The following SPARCL1 variants were observed in gnomAD, a reference collection of about 807,000 sequenced individuals.
SPARCL1 encodes SPARC like 1, also known as SPARC-like protein 1.
A neutral mutation model predicts 67.1 loss-of-function variants in SPARCL1; 52 were observed. The observed-to-expected ratio is 0.78, with a 90% CI of 0.62 to 0.98. SPARCL1 has a LOEUF of 0.98. Ranked by LOEUF, SPARCL1 falls within the 50% of genes least tolerant of loss-of-function variation. SPARCL1 has a pLI of 0.00. For missense variants in SPARCL1, 717 were observed against 782.4 expected (o/e 0.92, Z 1.00); for synonymous variants, 226 against 267.8 (o/e 0.84, Z 1.52).
At chr4:87,508,086 A>T (rs1243552384) in intron 1 of SPARCL1, among the ~76,000 whole-genome samples, 1 of 152,106 alleles carries the variant, frequency 6.6e-6, no homozygotes, top group East Asian at 1.9e-4. Context: ...TTTTATGGAG[A>T]CTTCATGAAA....
intron 4 of SPARCL1, among the ~76,000 whole-genome samples, chr4:87,492,984 T>C (rs2110227647): frequency 6.6e-6 from 1 of 152,346 alleles, no homozygotes; most frequent in Middle Eastern, 3.4e-3. Flanking sequence ...ACACTGGTGA[T>C]TCAACTCGAA....
At chr4:87,521,035 G>A (rs546278744) in intron 1 of SPARCL1, among the ~76,000 whole-genome samples, 4 of 152,148 alleles carry the variant, frequency 2.6e-5, no homozygotes, top group South Asian at 2.1e-4. Flanking sequence ...TTTTATTTTC[G>A]GTACTATGGT....
At chr4:87,483,959 T>C (rs1277657573) in intron 7 of SPARCL1, among the ~76,000 whole-genome samples, 1 of 152,196 alleles carries the variant, frequency 6.6e-6, no homozygotes, top group African/African-American at 2.4e-5. Flanking sequence ...TTTGTATCTG[T>C]TCCTTGTAGA....
At position 87,487,497 on chromosome 4, in the gene SPARCL1, C is replaced by T. The variant is rs370291109; in HGVS notation, c.1531+2776G>A. On this transcript the variant is annotated intron_variant, in intron 7 of 10. Transcript: ENST00000282470. ...TGATGGGCTTCCCTTTGTGGGTATT[C>T]CGACCTTTCTGTCTGGCTGCCCTTA... 2.3e-3 allele frequency among the ~76,000 whole-genome samples: 356 copies of T among 152,280 alleles called. 2 individuals are homozygous for T. Among genetic ancestry groups the T allele is most frequent in the African/African-American group, 8.1e-3 (337 of 41,566 alleles).
chr4:87,524,797 A>C (rs1473992305), intron 1 of SPARCL1, among the ~76,000 whole-genome samples: 2 of 152,212 alleles, frequency 1.3e-5, no homozygotes, highest in African/African-American at 4.8e-5. Context: ...TGCTGTTTCA[A>C]TAACAAAACC....
At chr4:87,520,659 C>T (rs1725773828) in intron 1 of SPARCL1, among the ~76,000 whole-genome samples, 1 of 152,156 alleles carries the variant, frequency 6.6e-6, no homozygotes, top group African/African-American at 2.4e-5. Context: ...TTGGCTTTCA[C>T]CATGGGAGAG....
chr4:87,491,797 A>G, intron 4 of SPARCL1, 107 bp from the exon 5 acceptor site: 2 of 848,262 alleles, frequency 2.4e-6, no homozygotes, highest in South Asian at 1.4e-5. Flanking sequence ...TGCTCAAATC[A>G]TTTCAAATCT....
chr4:87,495,216 T>C, intron 2 of SPARCL1, 89 bp from the exon 3 acceptor site: 1 of 1,071,558 alleles, frequency 9.3e-7, no homozygotes, highest in Non-Finnish European at 1.4e-6. Flanking sequence ...TCATTATTAG[T>C]AGCAATATAC....
rs753048351 is a variant in SPARCL1 at position 87,494,473 on chromosome 4, C to T, written c.327G>A (p.Val109=). Residue 109 remains valine (V), a synonymous_variant, in exon 4 of 11, where the codon GTG becomes GTA. Coordinates refer to ENST00000282470, the MANE Select transcript of SPARCL1 (RefSeq NM_004684.6). ...CTTCAGTTGGTGCATACTCCAAATT[C>T]ACACTTAAGTGACCATCACTGTCCT... ...DQEDSDGHLS[V]NLEYAPTEGT... is the part of the protein sequence containing the mutation. 6 of 1,613,992 alleles carry T rather than the reference C, an allele frequency of 3.7e-6. No individual in the cohort carries two copies. Among genetic ancestry groups the T allele is most frequent in the Admixed American group, 1.7e-5 (1 of 59,984 alleles).
At chr4:87,505,086 C>A (rs1239587910) in intron 1 of SPARCL1, among the ~76,000 whole-genome samples, 2 of 152,196 alleles carry the variant, frequency 1.3e-5, no homozygotes, top group Admixed American at 1.3e-4. Context: ...TGGATTCTGG[C>A]TCTAGCAGTG....
Position 87,490,815 on chromosome 4 carries a change from G to A in SPARCL1, c.1355C>T (p.Pro452Leu), listed in dbSNP as rs747450487. 1.2e-6 allele frequency: 2 copies of A among 1,612,868 alleles called. No homozygotes were observed. Among genetic ancestry groups the A allele is most frequent in the African/African-American group, 1.3e-5 (1 of 74,910 alleles). The change falls in exon 6 of 11, where the codon CCT becomes CTT. Residue 452 changes from proline to leucine, a missense_variant. Transcript: ENST00000282470. ...HICKADQQGK[P>L]HCVCQDPVTC... ...CACTGGATCCTGGCAGACACAGTGA[G>A]GTTTTCCCTGTTGGTCTGCCTTACA...
chr4:87,473,772 C>A lies in SPARCL1; in HGVS notation c.*3G>T, dbSNP rs182145896. ...GGAAAGTTGAGTTCTTTAAAATCTTCGTTCAAAACAAGAGATTTTCATCTA... is the reference window on the plus strand; with the variant it reads ...GGAAAGTTGAGTTCTTTAAAATCTTAGTTCAAAACAAGAGATTTTCATCTA... On this transcript the variant is annotated 3_prime_UTR_variant, in exon 11 of 11. Coordinates refer to ENST00000282470, the MANE Select transcript of SPARCL1 (RefSeq NM_004684.6). 1.2e-6 allele frequency: 2 copies of A among 1,606,486 alleles called. No individual in the cohort carries two copies. Among genetic ancestry groups the A allele is most frequent in the South Asian group, 1.1e-5 (1 of 90,330 alleles).
At chr4:87,516,310 C>T (rs1725580990) in intron 1 of SPARCL1, among the ~76,000 whole-genome samples, 1 of 152,178 alleles carries the variant, frequency 6.6e-6, no homozygotes, top group South Asian at 2.1e-4. Flanking sequence ...CATTATGAAA[C>T]AGTTGCTTTG....
chr4:87,498,547 A>G (rs75465216), intron 2 of SPARCL1, among the ~76,000 whole-genome samples: 2,423 of 152,270 alleles, frequency 0.016, 58 homozygotes, highest in African/African-American at 0.055. Context: ...CATTCATGCT[A>G]TGGTTTCATT....
chr4:87,476,766 T>C (rs191778554), intron 10 of SPARCL1, among the ~76,000 whole-genome samples: 181 of 152,320 alleles, frequency 1.2e-3, no homozygotes, highest in Non-Finnish European at 1.7e-3. Flanking sequence ...CAACATGCCC[T>C]AATTCACACA....
At chr4:87,521,499 T>G (rs1356992051) in intron 1 of SPARCL1, among the ~76,000 whole-genome samples, 1 of 152,214 alleles carries the variant, frequency 6.6e-6, no homozygotes, top group East Asian at 1.9e-4. Context: ...AATTGAATTT[T>G]CCTTGTGTTG....
intron 4 of SPARCL1, among the ~76,000 whole-genome samples, chr4:87,492,411 C>G (rs187381149): frequency 8.2e-5 from 12 of 145,916 alleles, no homozygotes; most frequent in African/African-American, 3.2e-4. Context: ...GAGTGAGACT[C>G]CGTCTCAAAA....
intron 1 of SPARCL1, among the ~76,000 whole-genome samples, chr4:87,502,826 A>G (rs574127805): frequency 2.6e-5 from 4 of 152,382 alleles, no homozygotes; most frequent in African/African-American, 9.6e-5. Context: ...TCCAAAGAAT[A>G]GTTCCATGGA....
rs200534720 is a variant in SPARCL1 at position 87,491,939 on chromosome 4, TACCC to T, written c.1219-253_1219-250del. Among the ~76,000 whole-genome samples, 61 of 21,330 alleles carry T rather than the reference TACCC, an allele frequency of 2.9e-3. 2 individuals carry two copies. Among genetic ancestry groups the T allele is most frequent in the East Asian group, 9.8e-3 (5 of 508 alleles). 14.0% of individuals were successfully genotyped at this position (21,330 alleles called of 152,430 possible). A position where few individuals can be genotyped will look rare whatever the true frequency, so the allele number is the denominator to read the frequency against. ...GGGCAACATAGGGAAACTCCATCTC[TACCC>T]ACCCCCCCCCCCAAAAAAAAAAAAA... On this transcript the variant is annotated intron_variant, in intron 4 of 10. Coordinates refer to ENST00000282470, the MANE Select transcript of SPARCL1 (RefSeq NM_004684.6).
Sources: allele counts gnomAD v4.1 joint callset (sites outside exome capture counted in the v4.1 genomes callset), GRCh38; gene constraint gnomAD v4.1.1; transcripts MANE v1.5; gene names NCBI Gene and HGNC (gene_info 2026-07-23, HGNC 2026-07-21).